The following GON4L variants were observed in gnomAD, a reference collection of about 807,000 sequenced individuals.
GON4L encodes the protein GON-4-like protein.
A neutral mutation model predicts 211.8 loss-of-function variants in GON4L; 87 were observed. That is an observed-to-expected ratio of 0.41 (90% CI 0.35 to 0.49). GON4L has a LOEUF of 0.49. Ranked by LOEUF, GON4L falls within the 20% of genes least tolerant of loss-of-function variation. The pLI, the probability that GON4L is intolerant of heterozygous loss-of-function variation, is 0.15. For synonymous variants in GON4L, 875 were observed against 962.6 expected (o/e 0.91, Z 1.68); for missense variants, 2,155 against 2,659.5 (o/e 0.81, Z 4.17).
chr1:155,858,895 A>T (rs1306061407), upstream of GON4L, among the ~76,000 whole-genome samples: 1 of 151,910 alleles, frequency 6.6e-6, no homozygotes, highest in Non-Finnish European at 1.5e-5. Context: ...GGGTTTCACC[A>T]TGCTGGCCAG....
At chr1:155,849,773 C>CAAAAAAA (rs11330008) in intron 2 of GON4L, among the ~76,000 whole-genome samples, 1 of 77,306 alleles carries the variant, frequency 1.3e-5, no homozygotes, top group African/African-American at 4.8e-5. Flanking sequence ...GACTCCGTCT[C>CAAAAAAA]AAAAAAAAAA....
At position 155,784,004 on chromosome 1, in the gene GON4L, T is replaced by C; in HGVS notation, c.1874A>G (p.Asn625Ser). The C allele has an allele frequency of 6.2e-7, 1 of 1,613,944 alleles. No homozygotes were observed. The highest frequency in any genetic ancestry group is 8.5e-7 in the Non-Finnish European group (1 of 1,179,838). Residue 625 changes from asparagine (N) to serine (S), a missense_variant, in exon 14 of 32, where the codon AAC (asparagine) becomes AGC (serine). By Grantham distance (46) the Asn-to-Ser change is conservative. This residue lies in a region of GON4L where 551 missense variants were observed against 854.0 expected (regional missense o/e 0.65). Coordinates refer to ENST00000368331, the MANE Select transcript of GON4L (RefSeq NM_001282860.2). ...AGCCTACCGTAGAGCTTGAGGGGTG[T>C]TAAAGTTAGGACGAGGCTCAGCTAC... is the stretch of plus-strand genomic sequence containing the variant. The part of the protein sequence containing the change: ...ECVAEPRPNF[N>S]TPQALRFEEP...
intron 14 of GON4L, among the ~76,000 whole-genome samples, chr1:155,782,499 T>C (rs1664516276): frequency 6.6e-6 from 1 of 152,152 alleles, no homozygotes; most frequent in African/African-American, 2.4e-5. Context: ...GGCTAAACCA[T>C]CTAGGTTTAT....
intron 12 of GON4L, among the ~76,000 whole-genome samples, chr1:155,791,218 C>T (rs933003167): frequency 6.6e-6 from 1 of 152,142 alleles, no homozygotes; most frequent in Non-Finnish European, 1.5e-5. Context: ...GCCGAGATCA[C>T]ACCATTGCAC....
rs192324713 is a variant in GON4L, at chr1:155,753,433, G to A, written c.5632-19C>T. 35 of 1,590,318 alleles carry A rather than the reference G, an allele frequency of 2.2e-5. No homozygotes were observed. Among genetic ancestry groups the A allele is most frequent in the Admixed American group, 2.0e-4 (12 of 59,234 alleles). ...CACAGACCTGCAGGGATGGTCTTCC[G>A]GGTCAAAGGTGTTCTGACTGCCTAT... On this transcript the variant is annotated intron_variant, in intron 28 of 31. Transcript: ENST00000368331.
At chr1:155,798,806 T>A (rs1666349499) in intron 11 of GON4L, among the ~76,000 whole-genome samples, 1 of 151,968 alleles carries the variant, frequency 6.6e-6, no homozygotes, top group Non-Finnish European at 1.5e-5. Flanking sequence ...TTGGACTCCA[T>A]CTGTTTGGAT....
chr1:155,750,336 C>G lies in GON4L; in HGVS notation c.*248G>C. Reference sequence around the variant, plus strand: ...GACCAAAAAAAAGTAGAGAAAGGAGCTGAACTCCACTCTCGATGCTATTTA... The same window carrying G: ...GACCAAAAAAAAGTAGAGAAAGGAGGTGAACTCCACTCTCGATGCTATTTA... On this transcript the variant is annotated 3_prime_UTR_variant, in exon 32 of 32. Transcript: ENST00000368331. 3.2e-6 allele frequency: 2 copies of G among 626,436 alleles called. No individual in the cohort carries two copies. Among genetic ancestry groups the G allele is most frequent in the South Asian group, 4.0e-5 (2 of 49,966 alleles). The allele number at this position is 626,436 out of a possible 1,614,324, so 38.8% of individuals were successfully genotyped here.
chr1:155,820,544 G>C (rs1417713395), intron 6 of GON4L, 62 bp downstream of exon 6: 1 of 1,091,726 alleles, frequency 9.2e-7, no homozygotes, highest in Non-Finnish European at 1.4e-6. Context: ...TTCCCTATGG[G>C]TGAATTAGAT....
At chr1:155,766,950 G>T in intron 20 of GON4L, 1 of 592,112 alleles carries the variant, frequency 1.7e-6, no homozygotes. Context: ...GGAGGCGGAG[G>T]CAGGAGAATC....
At chr1:155,856,940 AT>A (rs1672342741) in intron 1 of GON4L, among the ~76,000 whole-genome samples, 1 of 151,934 alleles carries the variant, frequency 6.6e-6, no homozygotes, top group Non-Finnish European at 1.5e-5. Flanking sequence ...CTAGGAAAAC[AT>A]TTTCAAAAGG....
chr1:155,837,396 C>G (rs2102390891), intron 2 of GON4L, among the ~76,000 whole-genome samples: 1 of 152,312 alleles, frequency 6.6e-6, no homozygotes, highest in East Asian at 1.9e-4. Flanking sequence ...CCCCTCTCTT[C>G]CCCAATTCAC....
At position 155,773,112 on chromosome 1, in the gene GON4L, C is replaced by T. The variant is rs370753784; in HGVS notation, c.2449G>A (p.Ala817Thr). 8.7e-6 allele frequency: 14 copies of T among 1,612,958 alleles called. No individual in the cohort carries two copies. The highest frequency in any genetic ancestry group is 1.2e-5 in the Non-Finnish European group (14 of 1,179,952). ...PELLPVCSLK[A>T]KNPQDKIVFT... ...ACGATCTTATCCTGGGGATTCTTTGCCTTCAGGGAACACACTGGAAGTAAC... is the reference window on the plus strand; with the variant it reads ...ACGATCTTATCCTGGGGATTCTTTGTCTTCAGGGAACACACTGGAAGTAAC... The change falls in exon 18 of 32, where the codon GCA (alanine) becomes ACA (threonine). Residue 817 changes from alanine (A) to threonine (T), a missense_variant. Transcript: ENST00000368331.
At chr1:155,770,652 C>T (rs1334905347) in intron 19 of GON4L, among the ~76,000 whole-genome samples, 1 of 152,208 alleles carries the variant, frequency 6.6e-6, no homozygotes, top group East Asian at 1.9e-4. Context: ...GGTTCAAGAC[C>T]AGCCTGGCCA....
At position 155,827,812 on chromosome 1, in the gene GON4L, G is replaced by C. The variant is rs1303949461; in HGVS notation, c.506-784C>G. ...GAACCCAGGAGTTTGAGACCAGTCT[G>C]AGCAACATATCGAGGCTTTGTCTCT... On this transcript the variant is annotated intron_variant, in intron 2 of 31. Coordinates refer to ENST00000368331, the MANE Select transcript of GON4L (RefSeq NM_001282860.2). Among the ~76,000 whole-genome samples, 5 of 152,098 alleles carry C rather than the reference G, an allele frequency of 3.3e-5. No individual in the cohort carries two copies. In the East Asian group the frequency reaches 9.7e-4, roughly 29 times the overall value.
chr1:155,853,946 TGA>T (rs1043496292), intron 1 of GON4L, 140 bp from the exon 2 acceptor site: 1 of 648,610 alleles, frequency 1.5e-6, no homozygotes, highest in Admixed American at 2.5e-5. Context: ...AGGTGGAAGT[TGA>T]GAGACAGTGG....
chr1:155,777,890 A>C, intron 14 of GON4L, 70 bp from the exon 15 acceptor site: 2 of 914,232 alleles, frequency 2.2e-6, no homozygotes, highest in South Asian at 2.6e-5. Context: ...ATTCGTTCCA[A>C]TGATGAGCAA....
chr1:155,850,985 C>T (rs540793870), intron 2 of GON4L, among the ~76,000 whole-genome samples: 9 of 127,342 alleles, frequency 7.1e-5, no homozygotes, highest in Non-Finnish European at 9.4e-5. Flanking sequence ...ACCTGGGAGG[C>T]GGAGGTTGCA....
chr1:155,753,644 A>G (rs1361478391), intron 28 of GON4L, among the ~76,000 whole-genome samples: 1 of 152,166 alleles, frequency 6.6e-6, no homozygotes, highest in East Asian at 1.9e-4. Context: ...GTTCAAGATC[A>G]GCCTGGGTAA....
Position 155,754,396 on chromosome 1 carries a change from G to C in GON4L, c.5610C>G (p.Ser1870Arg), listed in dbSNP as rs542732244. ...TCACCTTGCTGCTACAGTGGCTACA[G>C]CTCCGCCTTTTGCTCTTCTTCAGCT... The part of the protein sequence containing the change: ...DSKLKKSKRR[S>R]CSHCSSKVCD... The change falls in exon 28 of 32, where the codon AGC (serine) becomes AGG (arginine). Residue 1870 changes from serine (S) to arginine (R), a missense_variant. Coordinates refer to ENST00000368331, the MANE Select transcript of GON4L (RefSeq NM_001282860.2). 5 of 1,610,258 alleles carry C rather than the reference G, an allele frequency of 3.1e-6. No individual in the cohort carries two copies. The highest frequency in any genetic ancestry group is 1.7e-5 in the Admixed American group (1 of 59,984).
Sources: gnomAD v4.1 joint callset for allele counts (sites outside exome capture counted in the v4.1 genomes callset) on GRCh38, gnomAD v4.1.1 for gene constraint, gnomAD v4.1.1 regional missense constraint, MANE v1.5 for transcripts, NCBI Gene and HGNC (gene_info 2026-07-23, HGNC 2026-07-21) for gene names.